The following HS6ST3 variants were observed in gnomAD, a reference collection of about 807,000 sequenced individuals.
The protein encoded by HS6ST3 is heparan sulfate 6-O-sulfotransferase 3, also known as heparan-sulfate 6-O-sulfotransferase 3.
Under a neutral mutation model 36.7 loss-of-function variants are expected in HS6ST3, and 12 were observed. That is an observed-to-expected ratio of 0.33 (90% CI 0.21 to 0.53). HS6ST3 has a LOEUF of 0.53. Ranked by LOEUF, HS6ST3 falls within the 20% of genes least tolerant of loss-of-function variation. The pLI is 0.95. For missense variants in HS6ST3, 584 were observed against 640.9 expected (o/e 0.91, Z 0.96); for synonymous variants, 240 against 257.5 (o/e 0.93, Z 0.65).
At chr13:96,190,102 A>G (rs889888069) in intron 1 of HS6ST3, among the ~76,000 whole-genome samples, 9 of 152,246 alleles carry the variant, frequency 5.9e-5, no homozygotes, top group Admixed American at 1.3e-4. Flanking sequence ...AATGGCCCAC[A>G]GTTGATGTCC....
intron 1 of HS6ST3, among the ~76,000 whole-genome samples, chr13:96,376,687 T>G (rs747228848): frequency 6.6e-6 from 1 of 152,176 alleles, no homozygotes; most frequent in Non-Finnish European, 1.5e-5. Context: ...ATCTATAAAA[T>G]GGGAAGAGTA....
At chr13:96,389,101 T>TCC (rs1398080343) in intron 1 of HS6ST3, among the ~76,000 whole-genome samples, 1 of 152,194 alleles carries the variant, frequency 6.6e-6, no homozygotes, top group Non-Finnish European at 1.5e-5. Context: ...AGAAAATTAA[T>TCC]CCATAGTTTA....
At chr13:96,677,515 A>T (rs1210716750) in intron 1 of HS6ST3, among the ~76,000 whole-genome samples, 1 of 152,170 alleles carries the variant, frequency 6.6e-6, no homozygotes, top group African/African-American at 2.4e-5. Context: ...ATACACATAC[A>T]TATGTTATAT....
chr13:96,205,691 T>C (rs751384410), intron 1 of HS6ST3, among the ~76,000 whole-genome samples: 1 of 152,240 alleles, frequency 6.6e-6, no homozygotes, highest in African/African-American at 2.4e-5. Context: ...TCAATAAATG[T>C]GACTCATCAT....
intron 1 of HS6ST3, among the ~76,000 whole-genome samples, chr13:96,694,804 T>C (rs984218597): frequency 1.3e-5 from 2 of 152,234 alleles, no homozygotes; most frequent in Non-Finnish European, 2.9e-5. Flanking sequence ...GTTGAGCTTT[T>C]TTTCATATGC....
chr13:96,579,239 C>T (rs1050929834), intron 1 of HS6ST3, among the ~76,000 whole-genome samples: 5 of 152,122 alleles, frequency 3.3e-5, no homozygotes, highest in South Asian at 2.1e-4. Context: ...TACAATTTCA[C>T]TAACTGTTGA....
At chr13:96,564,865 A>G (rs575022981) in intron 1 of HS6ST3, among the ~76,000 whole-genome samples, 11 of 152,310 alleles carry the variant, frequency 7.2e-5, no homozygotes, top group African/African-American at 2.6e-4. Context: ...TCCATGAGAG[A>G]CTATCTATTT....
intron 1 of HS6ST3, among the ~76,000 whole-genome samples, chr13:96,645,739 G>C (rs1594826058): frequency 6.6e-6 from 1 of 151,766 alleles, no homozygotes; most frequent in Non-Finnish European, 1.5e-5. Flanking sequence ...CATCTTAAAT[G>C]GTTGTTTTGA....
At chr13:96,593,445 CT>C (rs1241504054) in intron 1 of HS6ST3, among the ~76,000 whole-genome samples, 1 of 151,530 alleles carries the variant, frequency 6.6e-6, no homozygotes, top group Non-Finnish European at 1.5e-5. Context: ...ATCCACCCAC[CT>C]TTGTCTCCCA....
At chr13:96,809,766 A>G (rs1878275724) in intron 1 of HS6ST3, among the ~76,000 whole-genome samples, 4 of 152,220 alleles carry the variant, frequency 2.6e-5, no homozygotes, top group Admixed American at 2.6e-4. Context: ...TCAGCCAGAC[A>G]GACCTGGATT....
intron 1 of HS6ST3, among the ~76,000 whole-genome samples, chr13:96,404,916 G>T (rs2055469771): frequency 6.6e-6 from 1 of 152,166 alleles, no homozygotes; most frequent in African/African-American, 2.4e-5. Context: ...GATCTTTCCT[G>T]CGTTGTGCTG....
At chr13:96,125,304 C>T (rs1223401445) in intron 1 of HS6ST3, among the ~76,000 whole-genome samples, 1 of 151,898 alleles carries the variant, frequency 6.6e-6, no homozygotes, top group African/African-American at 2.4e-5. Context: ...AGTCAAGATC[C>T]AAATGAAAAT....
At position 96,706,413 on chromosome 13, in the gene HS6ST3, T is replaced by TTATATATATATATATATATATATA. The variant is rs3052119; in HGVS notation, c.708-126072_708-126049dup. 1.2e-3 allele frequency among the ~76,000 whole-genome samples: 144 copies of TTATATATATATATATATATATATA among 120,968 alleles called. 1 individual carries two copies. Among genetic ancestry groups the TTATATATATATATATATATATATA allele is most frequent in the African/African-American group, 4.6e-3 (129 of 28,258 alleles). 79.4% of individuals were successfully genotyped at this position (120,968 alleles called of 152,430 possible). On this transcript the variant is annotated intron_variant, in intron 1 of 1. Coordinates refer to ENST00000376705, the MANE Select transcript of HS6ST3 (RefSeq NM_153456.4). ...TATATAAAATATAATAGAATATATT[T>TTATATATATATATATATATATATA]TATATATATATATATATATATATAT...
intron 1 of HS6ST3, among the ~76,000 whole-genome samples, chr13:96,607,509 T>C (rs953644881): frequency 6.6e-6 from 1 of 152,098 alleles, no homozygotes; most frequent in African/African-American, 2.4e-5. Context: ...TGGAGAACAT[T>C]AAATAAATAG....
At chr13:96,160,215 A>G (rs928741871) in intron 1 of HS6ST3, among the ~76,000 whole-genome samples, 2 of 152,186 alleles carry the variant, frequency 1.3e-5, no homozygotes, top group Non-Finnish European at 2.9e-5. Flanking sequence ...AATGGTAGAA[A>G]TTAATATACA....
chr13:96,747,280 A>G (rs1382834858), intron 1 of HS6ST3, among the ~76,000 whole-genome samples: 1 of 150,506 alleles, frequency 6.6e-6, no homozygotes, highest in East Asian at 1.9e-4. Flanking sequence ...CAAATGCAGC[A>G]TAAGGCTGAA....
At chr13:96,334,402 G>A (rs12866328) in intron 1 of HS6ST3, among the ~76,000 whole-genome samples, 54,652 of 151,946 alleles carry the variant, frequency 0.36, 10,098 homozygotes, top group African/African-American at 0.42. Context: ...AGAAGCAGAT[G>A]CCAGCATTAT....
At chr13:96,572,385 A>G (rs1282724490) in intron 1 of HS6ST3, among the ~76,000 whole-genome samples, 1 of 152,212 alleles carries the variant, frequency 6.6e-6, no homozygotes, top group Non-Finnish European at 1.5e-5. Context: ...CCAAGTTTGA[A>G]ATAAATGAGA....
At chr13:96,612,474 A>G (rs2056460142) in intron 1 of HS6ST3, among the ~76,000 whole-genome samples, 1 of 152,146 alleles carries the variant, frequency 6.6e-6, no homozygotes, top group African/African-American at 2.4e-5. Context: ...GTTATTTCCA[A>G]ATATAACAAA....
Sources: allele counts gnomAD v4.1 joint callset (sites outside exome capture counted in the v4.1 genomes callset), GRCh38; gene constraint gnomAD v4.1.1; transcripts MANE v1.5; gene names NCBI Gene and HGNC (gene_info 2026-07-23, HGNC 2026-07-21).